The following BCL2 variants were observed in gnomAD, a reference collection of about 807,000 sequenced individuals.
BCL2 encodes apoptosis regulator Bcl-2.
A neutral mutation model predicts 14.2 loss-of-function variants in BCL2; 1 was observed. That is an observed-to-expected ratio of 0.07 (90% CI 0.02 to 0.33). BCL2 has a LOEUF of 0.33. BCL2 is among the 10% of genes least tolerant of loss of function. The pLI is 0.99. For missense variants in BCL2, 247 were observed against 305.9 expected, an observed-to-expected ratio of 0.81 and a Z score of 1.44; for synonymous variants, 151 against 137.2, an observed-to-expected ratio of 1.10 and a Z score of -0.70.
At chr18:63,250,747 T>C (rs183375568) in intron 2 of BCL2, among the ~76,000 whole-genome samples, 107 of 152,326 alleles carry the variant, frequency 7.0e-4, no homozygotes, top group Non-Finnish European at 1.3e-3. Flanking sequence ...GAAACAAACA[T>C]GTGGTCCATA....
At chr18:63,264,776 T>C (rs1043307127) in intron 2 of BCL2, among the ~76,000 whole-genome samples, 1 of 152,214 alleles carries the variant, frequency 6.6e-6, no homozygotes, top group Non-Finnish European at 1.5e-5. Context: ...AACGAAGAGA[T>C]AGCCAAGAGA....
intron 2 of BCL2, among the ~76,000 whole-genome samples, chr18:63,252,160 A>G (rs1911337410): frequency 6.6e-6 from 1 of 152,322 alleles, no homozygotes; most frequent in Non-Finnish European, 1.5e-5. Context: ...TAATATCTTA[A>G]AAAAGACACC....
intron 2 of BCL2, among the ~76,000 whole-genome samples, chr18:63,191,761 G>A (rs1197254225): frequency 2.0e-5 from 3 of 152,174 alleles, no homozygotes; most frequent in African/African-American, 7.2e-5. Flanking sequence ...CGGTGCATTT[G>A]CAAATCACTG....
chr18:63,226,704 T>C (rs902821791), intron 2 of BCL2, among the ~76,000 whole-genome samples: 1 of 152,140 alleles, frequency 6.6e-6, no homozygotes, highest in African/African-American at 2.4e-5. Flanking sequence ...TATATGTGCA[T>C]GTGTTTATAG....
At chr18:63,255,977 C>G (rs544383526) in intron 2 of BCL2, among the ~76,000 whole-genome samples, 114 of 152,166 alleles carry the variant, frequency 7.5e-4, no homozygotes, top group Non-Finnish European at 1.3e-3. Context: ...AAGGGTATGA[C>G]TGATAACCAA....
intron 2 of BCL2, among the ~76,000 whole-genome samples, chr18:63,139,373 T>C (rs1531697): frequency 6.6e-6 from 1 of 152,166 alleles, no homozygotes; most frequent in Non-Finnish European, 1.5e-5. Context: ...CGTATCTATA[T>C]GACCTTGAAA....
chr18:63,304,334 T>C (rs529843004), intron 2 of BCL2, among the ~76,000 whole-genome samples: 7 of 152,348 alleles, frequency 4.6e-5, no homozygotes, highest in Admixed American at 2.0e-4. Context: ...GTTGATTGAA[T>C]GAACTTGCAG....
At chr18:63,146,318 A>G (rs1366543549) in intron 2 of BCL2, among the ~76,000 whole-genome samples, 1 of 152,228 alleles carries the variant, frequency 6.6e-6, no homozygotes, top group African/African-American at 2.4e-5. Flanking sequence ...GCTGCGAGGG[A>G]CCTTCCAGCC....
chr18:63,208,241 G>A (rs1909896834), intron 2 of BCL2: 1 of 152,208 alleles, frequency 6.6e-6, no homozygotes, highest in Admixed American at 6.5e-5. Context: ...AAGAAATGCT[G>A]ACTCTGATGA....
intron 2 of BCL2, among the ~76,000 whole-genome samples, chr18:63,245,717 C>T (rs760794993): frequency 6.6e-6 from 1 of 152,002 alleles, no homozygotes; most frequent in African/African-American, 2.4e-5. Flanking sequence ...ATACCATTTA[C>T]TATTGTTATG....
chr18:63,231,136 C>G (rs1303489683), intron 2 of BCL2, among the ~76,000 whole-genome samples: 1 of 151,724 alleles, frequency 6.6e-6, no homozygotes, highest in African/African-American at 2.4e-5. Context: ...GAAGGAAAAA[C>G]CATATAATCA....
In BCL2 at chr18:63,125,094, T is replaced by C. The variant is rs2144580668; in HGVS notation, c.*3531A>G. 1 of 221,456 alleles carries C rather than the reference T, an allele frequency of 4.5e-6. No individual in the cohort carries two copies. Among genetic ancestry groups the C allele is most frequent in the East Asian group, 6.6e-5 (1 of 15,194 alleles). 13.7% of individuals were successfully genotyped at this position (221,456 alleles called of 1,614,324 possible). A position where few individuals can be genotyped will look rare whatever the true frequency, so the allele number is the denominator to read the frequency against. ...TGCCCTGATTATTTACATTTAATCT[T>C]GATTATTATAACTCCTCTCGATTTA... is the stretch of plus-strand genomic sequence containing the variant. On this transcript the variant is annotated 3_prime_UTR_variant, in exon 3 of 3. Coordinates refer to ENST00000333681, the MANE Select transcript of BCL2 (RefSeq NM_000633.3).
chr18:63,171,467 A>G (rs1427145968), intron 2 of BCL2, among the ~76,000 whole-genome samples: 2 of 152,244 alleles, frequency 1.3e-5, no homozygotes, highest in Non-Finnish European at 2.9e-5. Context: ...CTGGTGGCCC[A>G]GGAGCATTCA....
chr18:63,257,510 C>T (rs981939543), intron 2 of BCL2, among the ~76,000 whole-genome samples: 3 of 152,172 alleles, frequency 2.0e-5, no homozygotes, highest in Non-Finnish European at 2.9e-5. Flanking sequence ...GACAGAGTCA[C>T]GATAACACTG....
chr18:63,273,015 T>C (rs1287604939), intron 2 of BCL2, among the ~76,000 whole-genome samples: 1 of 147,222 alleles, frequency 6.8e-6, no homozygotes, highest in East Asian at 2.0e-4. Flanking sequence ...AAGACAGAGA[T>C]TGAAAAAAAA....
At chr18:63,187,219 G>C (rs1915611265) in intron 2 of BCL2, among the ~76,000 whole-genome samples, 1 of 152,206 alleles carries the variant, frequency 6.6e-6, no homozygotes, top group African/African-American at 2.4e-5. Flanking sequence ...GTCAACAATG[G>C]TGTTATAAGG....
At chr18:63,240,505 C>G (rs978157830) in intron 2 of BCL2, among the ~76,000 whole-genome samples, 13 of 152,210 alleles carry the variant, frequency 8.5e-5, no homozygotes, top group African/African-American at 3.1e-4. Context: ...GGGAAATATG[C>G]TTCTAGATAA....
At chr18:63,201,838 G>C (rs926573277) in intron 2 of BCL2, among the ~76,000 whole-genome samples, 4 of 151,820 alleles carry the variant, frequency 2.6e-5, no homozygotes, top group African/African-American at 9.7e-5. Flanking sequence ...GGGGGTGGGG[G>C]TCTAGGGGAG....
intron 2 of BCL2, among the ~76,000 whole-genome samples, chr18:63,154,390 G>A (rs1914722550): frequency 1.3e-5 from 2 of 152,148 alleles, no homozygotes; most frequent in Non-Finnish European, 2.9e-5. Flanking sequence ...CAGGGTGTCT[G>A]CTAGACCCAC....
Sources: allele counts gnomAD v4.1 joint callset (sites outside exome capture counted in the v4.1 genomes callset), GRCh38; gene constraint gnomAD v4.1.1; transcripts MANE v1.5; gene names NCBI Gene and HGNC (gene_info 2026-07-23, HGNC 2026-07-21).